Variants in GOLGA4 observed in about 807,000 individuals in gnomAD.
GOLGA4 encodes golgin subfamily A member 4.
In GOLGA4, 169 loss-of-function variants were observed where a neutral mutation model predicts 265.9. The ratio of observed to expected loss-of-function variants is 0.64; its 90% CI spans 0.56 to 0.72. The LOEUF is 0.72. GOLGA4 is among the 30% of genes least tolerant of loss of function. The probability of loss-of-function intolerance (pLI) is 0.00; values close to 1 mark genes in which losing one functional copy is unlikely to be tolerated. For missense variants in GOLGA4, 2,482 were observed against 2,483.4 expected (o/e 1.00, Z 0.01); for synonymous variants, 923 against 855.8 (o/e 1.08, Z -1.37).
At chr3:37,275,973 C>A in intron 2 of GOLGA4, 2 of 1,613,504 alleles carry the variant, frequency 1.2e-6, no homozygotes, top group Non-Finnish European at 1.7e-6. Context: ...AAAGAACCTG[C>A]AATTACATCG....
chr3:37,249,903 T>G (rs998709546), intron 1 of GOLGA4: 1 of 152,216 alleles, frequency 6.6e-6, no homozygotes, highest in African/African-American at 2.4e-5. Flanking sequence ...ACTTCACAGC[T>G]TATATTTGTG....
At position 37,326,615 on chromosome 3, in the gene GOLGA4, G is replaced by A. The variant is rs1354919535; in HGVS notation, c.4729G>A (p.Asp1577Asn). 11 of 1,613,266 alleles carry A rather than the reference G, an allele frequency of 6.8e-6. No individual in the cohort carries two copies. Among genetic ancestry groups the A allele is most frequent in the Non-Finnish European group, 9.3e-6 (11 of 1,179,632 alleles). Residue 1577 changes from aspartate (D) to asparagine (N), a missense_variant, in exon 14 of 24, where the codon GAC becomes AAC. Transcript: ENST00000361924. The part of the protein sequence containing the change: ...QHFQELGEEK[D>N]NRVKEAEEKI... ...TTTTCAAGAGTTAGGAGAAGAAAAG[G>A]ACAACAGGGTTAAAGAAGCTGAAGA...
chr3:37,292,681 C>G (rs2096868045), intron 5 of GOLGA4, among the ~76,000 whole-genome samples: 1 of 130,162 alleles, frequency 7.7e-6, no homozygotes, highest in Admixed American at 7.7e-5. Context: ...GAGACTCCGT[C>G]TCAAAAAAAA....
chr3:37,328,458 A>G lies in GOLGA4; in HGVS notation c.5982A>G (p.Leu1994=). The change falls in exon 15 of 24, where the codon TTA becomes TTG. Residue 1994 remains leucine, a synonymous_variant. Transcript: ENST00000361924. The stretch of plus-strand genomic sequence containing the variant: ...TTGAACTGAAGCACAATTCCACATT[A>G]AAACAGCTGATGAGGGAGTTTAATA... ...EDLELKHNST[L]KQLMREFNTQ... 1.2e-6 allele frequency: 2 copies of G among 1,613,076 alleles called. No individual in the cohort carries two copies. The highest frequency in any genetic ancestry group is 1.7e-6 in the Non-Finnish European group (2 of 1,179,138).
rs73825086 is a variant in GOLGA4 at position 37,347,312 on chromosome 3, C to T, written c.6576+16C>T. On this transcript the variant is annotated intron_variant, in intron 21 of 23. Coordinates refer to ENST00000361924, the MANE Select transcript of GOLGA4 (RefSeq NM_002078.5). ...TGAGACTAAGGTATAAATCATGTCTCGTGATTTGGTGTGTGGCTTAATTTT... is the reference window on the plus strand; with the variant it reads ...TGAGACTAAGGTATAAATCATGTCTTGTGATTTGGTGTGTGGCTTAATTTT... The T allele has an allele frequency of 2.0e-4, 271 of 1,386,858 alleles. No individual in the cohort carries two copies. In the African/African-American group the frequency reaches 3.0e-3, roughly 15 times the overall value. The allele number at this position is 1,386,858 out of a possible 1,614,324, so 85.9% of individuals were successfully genotyped here.
At chr3:37,258,046 CAT>C (rs201201581) in intron 2 of GOLGA4, among the ~76,000 whole-genome samples, 999 of 38,116 alleles carry the variant, frequency 0.026, 132 homozygotes, top group African/African-American at 0.052. Context: ...TATATACATA[CAT>C]ATATATATGT....
intron 5 of GOLGA4, among the ~76,000 whole-genome samples, chr3:37,292,201 C>A (rs2096866498): frequency 6.6e-6 from 1 of 151,892 alleles, no homozygotes. Context: ...GTTAGGACTG[C>A]TATGTAACAG....
chr3:37,244,579 T>G (rs1486044301), intron 1 of GOLGA4, among the ~76,000 whole-genome samples: 1 of 152,190 alleles, frequency 6.6e-6, no homozygotes, highest in African/African-American at 2.4e-5. Context: ...GTCCCTTAAT[T>G]TTAGGGTTTT....
intron 7 of GOLGA4, among the ~76,000 whole-genome samples, chr3:37,297,110 T>C (rs1192209487): frequency 6.6e-6 from 1 of 152,246 alleles, no homozygotes; most frequent in South Asian, 2.1e-4. Flanking sequence ...GTCCTATTAA[T>C]TGCTTTTTAA....
intron 2 of GOLGA4, among the ~76,000 whole-genome samples, chr3:37,257,958 TATGTATATATAC>T (rs2096755437): frequency 9.2e-6 from 1 of 108,404 alleles, no homozygotes; most frequent in East Asian, 2.4e-4. Flanking sequence ...TGTATGTATA[TATGTATATATAC>T]ATACATATAT....
intron 16 of GOLGA4, among the ~76,000 whole-genome samples, chr3:37,333,740 GAAGATATCT>G (rs1020932072): frequency 1.3e-5 from 2 of 152,118 alleles, no homozygotes; most frequent in African/African-American, 2.4e-5. Flanking sequence ...GCCTCGGTGG[GAAGATATCT>G]AAGATATCTA....
chr3:37,328,002 G>A (rs1259468112), intron 14 of GOLGA4, among the ~76,000 whole-genome samples, 177 bp downstream of exon 14: 2 of 151,882 alleles, frequency 1.3e-5, no homozygotes, highest in African/African-American at 2.4e-5. Context: ...AGGGCAAGTG[G>A]CAGTGTTATT....
chr3:37,275,630 C>G, intron 2 of GOLGA4: 2 of 1,581,786 alleles, frequency 1.3e-6, no homozygotes, highest in Non-Finnish European at 1.7e-6. Flanking sequence ...CTGTGTCTTC[C>G]GCTCCAGCTT....
At chr3:37,288,725 G>T (rs982014712) in intron 4 of GOLGA4, among the ~76,000 whole-genome samples, 1 of 151,804 alleles carries the variant, frequency 6.6e-6, no homozygotes, top group Admixed American at 6.6e-5. Flanking sequence ...TGATCCACCT[G>T]CCTCGGCCTC....
chr3:37,266,489 C>T (rs6550467), intron 2 of GOLGA4, among the ~76,000 whole-genome samples: 3,758 of 152,238 alleles, frequency 0.025, 139 homozygotes, highest in African/African-American at 0.085. Context: ...TGAGCCACTG[C>T]GCCCGGCCCA....
At chr3:37,306,927 A>G (rs1312627468) in intron 10 of GOLGA4, among the ~76,000 whole-genome samples, 1 of 152,114 alleles carries the variant, frequency 6.6e-6, no homozygotes, top group Admixed American at 6.6e-5. Context: ...TAAATTCTTA[A>G]CCATAGACTT....
chr3:37,307,969 C>T (rs1431869751), intron 10 of GOLGA4, among the ~76,000 whole-genome samples: 4 of 152,092 alleles, frequency 2.6e-5, no homozygotes, highest in African/African-American at 9.7e-5. Flanking sequence ...CGCGGTGGCT[C>T]ACGCCCGAAA....
chr3:37,360,772 C>A (rs1295096234), intron 22 of GOLGA4, among the ~76,000 whole-genome samples: 1 of 152,114 alleles, frequency 6.6e-6, no homozygotes, highest in Non-Finnish European at 1.5e-5. Context: ...ATTCAGTGAT[C>A]AAATTGACAC....
intron 14 of GOLGA4, among the ~76,000 whole-genome samples, chr3:37,328,188 C>T (rs1166634061): frequency 1.3e-5 from 2 of 151,296 alleles, no homozygotes; most frequent in Non-Finnish European, 2.9e-5. Context: ...ATTCTCTGGT[C>T]CCCAGGACCA....
Sources: allele counts gnomAD v4.1 joint callset (sites outside exome capture counted in the v4.1 genomes callset), GRCh38; gene constraint gnomAD v4.1.1; transcripts MANE v1.5; gene names NCBI Gene and HGNC (gene_info 2026-07-23, HGNC 2026-07-21).